Variants in EPHA6 observed in about 807,000 individuals in gnomAD.
The protein encoded by EPHA6 is EPH receptor A6.
Under a neutral mutation model 112.0 loss-of-function variants are expected in EPHA6, and 50 were observed. That is an observed-to-expected ratio of 0.45 (90% CI 0.36 to 0.56). The LOEUF (loss-of-function observed/expected upper bound fraction) is 0.56, where lower values mean the gene tolerates loss of function less well. Among genes scored for constraint, EPHA6 ranks in the 20% least tolerant of loss-of-function variants. EPHA6 has a pLI of 0.00. For synonymous variants in EPHA6, 529 were observed against 490.7 expected, an observed-to-expected ratio of 1.08 and a Z score of -1.03; for missense variants, 1,280 against 1,417.4, an observed-to-expected ratio of 0.90 and a Z score of 1.56.
intron 5 of EPHA6, among the ~76,000 whole-genome samples, chr3:97,394,354 G>T (rs1306021010): frequency 6.6e-6 from 1 of 151,756 alleles, no homozygotes; most frequent in African/African-American, 2.4e-5. Flanking sequence ...TCAAGACATT[G>T]GTCTAGGAAA....
intron 5 of EPHA6, among the ~76,000 whole-genome samples, chr3:97,277,891 C>T (rs73848585): frequency 0.028 from 4,267 of 152,144 alleles, 205 homozygotes; most frequent in African/African-American, 0.09. Context: ...AAACACTGTA[C>T]GCTGAGGCTA....
chr3:96,972,487 C>G (rs1384967715), intron 2 of EPHA6, among the ~76,000 whole-genome samples: 3 of 150,814 alleles, frequency 2.0e-5, no homozygotes, highest in Non-Finnish European at 4.4e-5. Context: ...CAGGTAAAGA[C>G]GAAAATATGT....
chr3:97,416,418 T>C (rs994246210), intron 6 of EPHA6, among the ~76,000 whole-genome samples: 9 of 152,104 alleles, frequency 5.9e-5, no homozygotes, highest in African/African-American at 1.9e-4. Context: ...CATTTTTGGA[T>C]TAGGCACTAA....
intron 5 of EPHA6, among the ~76,000 whole-genome samples, chr3:97,297,412 C>A (rs2080912409): frequency 6.6e-6 from 1 of 152,176 alleles, no homozygotes; most frequent in African/African-American, 2.4e-5. Context: ...CATCTTGAAG[C>A]CTCCTTCCTT....
chr3:97,144,202 G>T (rs1053902522), intron 3 of EPHA6, among the ~76,000 whole-genome samples: 1 of 151,558 alleles, frequency 6.6e-6, no homozygotes, highest in Non-Finnish European at 1.5e-5. Context: ...TGTCAGCAGG[G>T]TTAGTATAGG....
intron 13 of EPHA6, among the ~76,000 whole-genome samples, chr3:97,632,088 G>A (rs1038620801): frequency 1.3e-5 from 2 of 151,940 alleles, no homozygotes; most frequent in South Asian, 2.1e-4. Flanking sequence ...AAGTGGAGAC[G>A]GCTGCAAGTG....
At chr3:97,009,254 C>T (rs912112228) in intron 3 of EPHA6, among the ~76,000 whole-genome samples, 3 of 152,166 alleles carry the variant, frequency 2.0e-5, no homozygotes, top group African/African-American at 7.2e-5. Context: ...GCCACTCCTT[C>T]CCCTAGGGGC....
At chr3:96,865,546 G>A (rs955498526) in intron 1 of EPHA6, among the ~76,000 whole-genome samples, 2 of 151,884 alleles carry the variant, frequency 1.3e-5, no homozygotes, top group Admixed American at 1.3e-4. Context: ...GCTGGGCACA[G>A]TGGTGCGTGC....
At chr3:97,422,549 G>T (rs1279765492) in intron 6 of EPHA6, among the ~76,000 whole-genome samples, 3 of 152,152 alleles carry the variant, frequency 2.0e-5, no homozygotes, top group Non-Finnish European at 4.4e-5. Flanking sequence ...AACTTGCAAA[G>T]ATGTTTGAGA....
chr3:97,651,498 T>C (rs2094107241), intron 14 of EPHA6, among the ~76,000 whole-genome samples: 1 of 152,098 alleles, frequency 6.6e-6, no homozygotes, highest in South Asian at 2.1e-4. Flanking sequence ...TTAATATTTA[T>C]AAATATCTGC....
At chr3:97,159,100 G>C (rs957485689) in intron 3 of EPHA6, among the ~76,000 whole-genome samples, 6 of 152,068 alleles carry the variant, frequency 3.9e-5, no homozygotes, top group African/African-American at 1.4e-4. Context: ...ACCATTATTA[G>C]CCCTGCCTGG....
At chr3:97,315,816 A>T (rs1208702894) in intron 5 of EPHA6, among the ~76,000 whole-genome samples, 1 of 151,792 alleles carries the variant, frequency 6.6e-6, no homozygotes, top group East Asian at 1.9e-4. Flanking sequence ...CACACACTGG[A>T]AAGTGCAAGA....
At chr3:97,122,956 A>G (rs566078239) in intron 3 of EPHA6, among the ~76,000 whole-genome samples, 2 of 152,150 alleles carry the variant, frequency 1.3e-5, no homozygotes, top group South Asian at 2.1e-4. Context: ...TTTTGTTTAG[A>G]TCTCTTTGTA....
At chr3:97,597,093 G>T (rs1017211502) in intron 12 of EPHA6, among the ~76,000 whole-genome samples, 3 of 151,598 alleles carry the variant, frequency 2.0e-5, no homozygotes, top group Admixed American at 2.0e-4. Flanking sequence ...GCAGCATGTG[G>T]GACTTGGAAA....
At chr3:97,343,660 A>G (rs1045292217) in intron 5 of EPHA6, among the ~76,000 whole-genome samples, 1 of 152,176 alleles carries the variant, frequency 6.6e-6, no homozygotes, top group Non-Finnish European at 1.5e-5. Flanking sequence ...AAACTACCAG[A>G]TGGGACTAAA....
At chr3:97,373,737 G>T (rs2085196452) in intron 5 of EPHA6, among the ~76,000 whole-genome samples, 1 of 152,006 alleles carries the variant, frequency 6.6e-6, no homozygotes, top group African/African-American at 2.4e-5. Flanking sequence ...ATCTTTTATT[G>T]CTATCTTGCT....
At chr3:97,574,533 T>G (rs925967668) in intron 11 of EPHA6, among the ~76,000 whole-genome samples, 2 of 152,100 alleles carry the variant, frequency 1.3e-5, no homozygotes, top group African/African-American at 4.8e-5. Flanking sequence ...ATGTCAAAGC[T>G]GTGTGAAGCC....
At chr3:97,709,155 CA>C (rs34571358) in intron 14 of EPHA6, among the ~76,000 whole-genome samples, 82,442 of 117,174 alleles carry the variant, frequency 0.7, 26,402 homozygotes, top group Middle Eastern at 0.77. Context: ...CCATGCAAGT[CA>C]AAAAAAAAAA....
chr3:97,416,927 T>G (rs1310931050), intron 6 of EPHA6, among the ~76,000 whole-genome samples: 1 of 152,114 alleles, frequency 6.6e-6, no homozygotes, highest in Non-Finnish European at 1.5e-5. Context: ...CTTCTTTCCC[T>G]TTTTTAAAGG....
Sources: gnomAD v4.1 joint callset for allele counts (sites outside exome capture counted in the v4.1 genomes callset) on GRCh38, gnomAD v4.1.1 for gene constraint, MANE v1.5 for transcripts, NCBI Gene and HGNC (gene_info 2026-07-23, HGNC 2026-07-21) for gene names.